COL21A1: variants seen among roughly 807,000 people sequenced by gnomAD.
The protein encoded by COL21A1 is collagen type XXI alpha 1 chain.
In COL21A1, 149 loss-of-function variants were observed where a neutral mutation model predicts 137.9. The observed-to-expected ratio is 1.08, with a 90% CI of 0.95 to 1.24. The LOEUF (loss-of-function observed/expected upper bound fraction) is 1.24, where lower values mean the gene tolerates loss of function less well. Among genes scored for constraint, COL21A1 ranks in the 50% most tolerant of loss-of-function variants. The pLI is 0.00. For missense variants in COL21A1, 1,167 were observed against 1,158.4 expected (o/e 1.01, Z -0.11); for synonymous variants, 456 against 391.5 (o/e 1.16, Z -1.95).
intron 7 of COL21A1, among the ~76,000 whole-genome samples, chr6:56,166,330 GGAATAGTCATA>G: frequency 6.6e-6 from 1 of 152,180 alleles, no homozygotes; most frequent in Middle Eastern, 3.4e-3. Flanking sequence ...CCTGAGCACT[GGAATAGTCATA>G]GTCATAGACG....
intron 1 of COL21A1, among the ~76,000 whole-genome samples, chr6:56,285,112 G>A (rs1031758345): frequency 1.3e-5 from 2 of 152,122 alleles, no homozygotes; most frequent in African/African-American, 4.8e-5. Context: ...TCAATCAATA[G>A]CAGGGACTTG....
intron 1 of COL21A1, among the ~76,000 whole-genome samples, chr6:56,311,476 T>G (rs1181229631): frequency 6.6e-6 from 1 of 152,188 alleles, no homozygotes; most frequent in Non-Finnish European, 1.5e-5. Flanking sequence ...ATAATTATAT[T>G]TTTATGAGGG....
chr6:56,129,506 A>G (rs1305743199), intron 12 of COL21A1, among the ~76,000 whole-genome samples: 1 of 152,214 alleles, frequency 6.6e-6, no homozygotes, highest in Non-Finnish European at 1.5e-5. Flanking sequence ...CATTTGGTCT[A>G]TTTGTTATAG....
At chr6:56,190,926 C>G (rs1228854452) in intron 1 of COL21A1, among the ~76,000 whole-genome samples, 1 of 152,126 alleles carries the variant, frequency 6.6e-6, no homozygotes, top group Non-Finnish European at 1.5e-5. Context: ...ATTAGCATCC[C>G]CATAAGCTAG....
chr6:56,330,702 T>C (rs901118299), intron 1 of COL21A1, among the ~76,000 whole-genome samples: 1 of 152,100 alleles, frequency 6.6e-6, no homozygotes, highest in Non-Finnish European at 1.5e-5. Context: ...CAATCATCCA[T>C]TGATGGACAC....
chr6:56,332,580 G>GCCCCC lies in COL21A1; in HGVS notation c.-39+61386_-39+61390dup, dbSNP rs138594043. Among the ~76,000 whole-genome samples the GCCCCC allele has an allele frequency of 6.8e-5, 10 of 147,458 alleles. 1 individual carries two copies. Among genetic ancestry groups the GCCCCC allele is most frequent in the Admixed American group, 2.0e-4 (3 of 14,878 alleles). On this transcript the variant is annotated intron_variant, in intron 1 of 28. Transcript: ENST00000370819. ...GGTTTTTAATACATGTCACCAAATA[G>GCCCCC]CCCCCCCGCCCCCGCCAAAAAGGGT...
intron 1 of COL21A1, among the ~76,000 whole-genome samples, chr6:56,305,956 C>G (rs1582769077): frequency 1.3e-5 from 2 of 149,792 alleles, no homozygotes; most frequent in East Asian, 3.9e-4. Flanking sequence ...TCAGCATTTG[C>G]TTGTCTGTAA....
At chr6:56,199,153 C>G (rs1452206268) in intron 1 of COL21A1, among the ~76,000 whole-genome samples, 2 of 151,958 alleles carry the variant, frequency 1.3e-5, no homozygotes, top group Non-Finnish European at 1.5e-5. Flanking sequence ...GTGATGGTAA[C>G]TATTACAGTT....
At chr6:56,368,777 C>T (rs1286962559) in intron 1 of COL21A1, among the ~76,000 whole-genome samples, 1 of 152,152 alleles carries the variant, frequency 6.6e-6, no homozygotes, top group East Asian at 1.9e-4. Flanking sequence ...TTTCCTGTTC[C>T]TATTCTCAGT....
chr6:56,234,101 G>A (rs1268786629), intron 1 of COL21A1, among the ~76,000 whole-genome samples: 1 of 151,674 alleles, frequency 6.6e-6, no homozygotes, highest in Non-Finnish European at 1.5e-5. Context: ...GGTAAAAACA[G>A]AAAACATAAG....
chr6:56,090,884 C>A (rs1768747154), intron 17 of COL21A1, among the ~76,000 whole-genome samples: 1 of 152,032 alleles, frequency 6.6e-6, no homozygotes, highest in Admixed American at 6.6e-5. Flanking sequence ...GTTTACTCGG[C>A]ACATACTTGG....
intron 1 of COL21A1, among the ~76,000 whole-genome samples, chr6:56,193,381 G>A (rs1778821659): frequency 6.6e-6 from 1 of 151,984 alleles, no homozygotes; most frequent in Non-Finnish European, 1.5e-5. Flanking sequence ...AACTGTTATA[G>A]GAAACAACAT....
At chr6:56,099,560 C>T (rs948396093) in intron 17 of COL21A1, among the ~76,000 whole-genome samples, 1 of 151,838 alleles carries the variant, frequency 6.6e-6, no homozygotes, top group Non-Finnish European at 1.5e-5. Context: ...TATATCCAAG[C>T]TCTCATGTCT....
intron 1 of COL21A1, among the ~76,000 whole-genome samples, chr6:56,224,530 A>G (rs878871355): frequency 2.0e-5 from 3 of 152,102 alleles, no homozygotes; most frequent in Admixed American, 2.0e-4. Flanking sequence ...CATATACCTT[A>G]TGTCAATAAG....
intron 1 of COL21A1, among the ~76,000 whole-genome samples, chr6:56,302,971 A>G (rs28816088): frequency 0.85 from 127,227 of 149,140 alleles, 56,347 homozygotes; most frequent in South Asian, 0.99. Flanking sequence ...TCCCAGCACC[A>G]TTTATTAAAT....
Position 56,069,036 on chromosome 6 carries a change from C to A in COL21A1, c.2091+10G>T. On this transcript the variant is annotated intron_variant, in intron 22 of 29. Coordinates refer to ENST00000244728, the MANE Select transcript of COL21A1 (RefSeq NM_030820.4). The stretch of plus-strand genomic sequence containing the variant: ...TTAAAAGCGAACTGTATCTCCTAAC[C>A]AATGCATACCTTTTTTCCTTGAATC... 6.3e-7 allele frequency: 1 copy of A among 1,590,530 alleles called. No individual in the cohort carries two copies. The highest frequency in any genetic ancestry group is 1.1e-5 in the South Asian group (1 of 87,832).
chr6:56,265,727 C>A (rs910557853), intron 1 of COL21A1, among the ~76,000 whole-genome samples: 1 of 152,096 alleles, frequency 6.6e-6, no homozygotes, highest in African/African-American at 2.4e-5. Context: ...TTGCTTCTTC[C>A]ATGTTCAAAA....
intron 1 of COL21A1, among the ~76,000 whole-genome samples, chr6:56,314,589 T>A (rs1337620415): frequency 6.6e-6 from 1 of 152,180 alleles, no homozygotes; most frequent in Non-Finnish European, 1.5e-5. Flanking sequence ...TCAAAGTGAT[T>A]GGGTTGAATT....
chr6:56,078,683 T>C (rs1208205113), intron 17 of COL21A1, among the ~76,000 whole-genome samples: 1 of 151,680 alleles, frequency 6.6e-6, no homozygotes, highest in Non-Finnish European at 1.5e-5. Flanking sequence ...GGGCAAGACA[T>C]AAACACATAG....
Sources: allele counts gnomAD v4.1 joint callset (sites outside exome capture counted in the v4.1 genomes callset), GRCh38; gene constraint gnomAD v4.1.1; transcripts MANE v1.5; gene names NCBI Gene and HGNC (gene_info 2026-07-23, HGNC 2026-07-21).